Variants in DHRS7B observed in about 807,000 individuals in gnomAD.
DHRS7B encodes dehydrogenase/reductase 7B, also known as peroxisomal reductase activating PPAR-gamma.
In DHRS7B, 24 loss-of-function variants were observed where a neutral mutation model predicts 26.4. The ratio of observed to expected loss-of-function variants is 0.91; its 90% CI spans 0.66 to 1.28. The LOEUF is 1.28. Ranked by LOEUF, DHRS7B falls within the 50% of genes most tolerant of loss-of-function variation. DHRS7B has a pLI of 0.00. For synonymous variants in DHRS7B, 142 were observed against 166.4 expected (o/e 0.85, Z 1.13); for missense variants, 368 against 419.4 (o/e 0.88, Z 1.07).
chr17:21,137,923 G>A (rs1973384675), intron 1 of DHRS7B, among the ~76,000 whole-genome samples: 2 of 150,902 alleles, frequency 1.3e-5, no homozygotes, highest in Non-Finnish European at 3.0e-5. Context: ...TAGTAGAGAT[G>A]GCATTTCACC....
At chr17:21,151,275 G>A (rs1221390179) in intron 1 of DHRS7B, among the ~76,000 whole-genome samples, 1 of 152,096 alleles carries the variant, frequency 6.6e-6, no homozygotes, top group African/African-American at 2.4e-5. Context: ...GGGAGGCCTA[G>A]GCAGGTGGAT....
In DHRS7B at chr17:21,174,216, C is replaced by T. The variant is rs144215685; in HGVS notation, c.199+2020C>T. Reference sequence around the variant, plus strand: ...TGTTGTCCTCAGTGGCTCTGCCTGCCGTGTCAGCCACCCGGAAGGTTTGGA... The same window carrying T: ...TGTTGTCCTCAGTGGCTCTGCCTGCTGTGTCAGCCACCCGGAAGGTTTGGA... On this transcript the variant is annotated intron_variant, in intron 2 of 6. Coordinates refer to ENST00000395511, the MANE Select transcript of DHRS7B (RefSeq NM_015510.5). Among the ~76,000 whole-genome samples the T allele has an allele frequency of 5.9e-3, 900 of 152,342 alleles. 9 individuals carry two copies. Among genetic ancestry groups the T allele is most frequent in the African/African-American group, 0.02 (834 of 41,584 alleles).
rs1973984225 is a variant in DHRS7B, at chr17:21,160,826, T to G, written c.21-11192T>G. ...CCGAAACTTCGAAGCCACCAAGATG[T>G]CTTTGAATGTATAAACTCTGGTACA... On this transcript the variant is annotated intron_variant, in intron 1 of 6. Coordinates refer to ENST00000395511, the MANE Select transcript of DHRS7B (RefSeq NM_015510.5). Among the ~76,000 whole-genome samples, 3 of 152,270 alleles carry G rather than the reference T, an allele frequency of 2.0e-5. No individual in the cohort carries two copies. The East Asian group carries it at 5.8e-4, about 29-fold the overall frequency.
chr17:21,144,014 A>G (rs1973586301), intron 1 of DHRS7B, among the ~76,000 whole-genome samples: 1 of 152,248 alleles, frequency 6.6e-6, no homozygotes, highest in Non-Finnish European at 1.5e-5. Flanking sequence ...GGACAGGTCA[A>G]GTGCAACCAA....
intron 1 of DHRS7B, among the ~76,000 whole-genome samples, chr17:21,149,644 T>C (rs1567619541): frequency 6.7e-6 from 1 of 149,996 alleles, no homozygotes; most frequent in African/African-American, 2.5e-5. Flanking sequence ...GTAGAGGGAG[T>C]TTTTTAAACA....
rs991410820 is a variant in DHRS7B at position 21,183,661 on chromosome 17, C to A, written c.377C>A (p.Ala126Glu). 6.8e-6 allele frequency: 11 copies of A among 1,614,126 alleles called. No individual in the cohort carries two copies. Among genetic ancestry groups the A allele is most frequent in the Non-Finnish European group, 9.3e-6 (11 of 1,180,030 alleles). The change falls in exon 4 of 7, where the codon GCA (alanine) becomes GAA (glutamate). Residue 126 changes from alanine to glutamate, a missense_variant. By Grantham distance (107) the Ala-to-Glu change is moderately radical. Transcript: ENST00000395511. ...GACTCTGGGGCCATAGTTGCAGCAG[C>A]AGCTGAGATCCTGCAGTGCTTTGGC... ...LTDSGAIVAA[A>E]AEILQCFGYV...
chr17:21,184,579 A>G (rs529380535), intron 5 of DHRS7B, 116 bp downstream of exon 5: 1 of 1,030,844 alleles, frequency 9.7e-7, no homozygotes, highest in South Asian at 1.6e-5. Context: ...TCCAGAATGC[A>G]AAGGCACTTG....
chr17:21,135,297 C>T (rs890719566), intron 1 of DHRS7B, among the ~76,000 whole-genome samples: 1 of 152,148 alleles, frequency 6.6e-6, no homozygotes, highest in Non-Finnish European at 1.5e-5. Flanking sequence ...TTTGACAATG[C>T]CTCCTGTATA....
At chr17:21,147,298 G>C (rs902291734) in intron 1 of DHRS7B, among the ~76,000 whole-genome samples, 4 of 152,082 alleles carry the variant, frequency 2.6e-5, no homozygotes, top group Non-Finnish European at 5.9e-5. Flanking sequence ...GCAGAACTTG[G>C]GGCCCTGAAG....
intron 1 of DHRS7B, among the ~76,000 whole-genome samples, chr17:21,147,751 C>A (rs1403027819): frequency 2.6e-5 from 4 of 152,206 alleles, no homozygotes; most frequent in African/African-American, 2.4e-5. Flanking sequence ...AGGGAGAAAT[C>A]CCTGAGGACA....
chr17:21,180,138 G>A (rs1291188970), intron 3 of DHRS7B, among the ~76,000 whole-genome samples: 1 of 146,780 alleles, frequency 6.8e-6, no homozygotes, highest in East Asian at 2.0e-4. Context: ...GCAGTGACAC[G>A]ATCTTGGCTC....
chr17:21,184,229 C>A, intron 4 of DHRS7B, 142 bp from the exon 5 acceptor site: 2 of 704,182 alleles, frequency 2.8e-6, no homozygotes, highest in Non-Finnish European at 2.3e-6. Flanking sequence ...GCTGGAAGTT[C>A]CAACATAGTC....
chr17:21,169,136 G>T (rs73984299), intron 1 of DHRS7B, among the ~76,000 whole-genome samples: 2,104 of 152,228 alleles, frequency 0.014, 59 homozygotes, highest in African/African-American at 0.049. Context: ...CAAAACTTGG[G>T]ACATGAGAGC....
intron 1 of DHRS7B, among the ~76,000 whole-genome samples, chr17:21,147,573 T>C (rs1973669315): frequency 6.6e-6 from 1 of 152,182 alleles, no homozygotes; most frequent in African/African-American, 2.4e-5. Context: ...TGGACTTCCA[T>C]ATCCCTTCTG....
chr17:21,168,706 G>A (rs997585287), intron 1 of DHRS7B: 22 of 985,188 alleles, frequency 2.2e-5, no homozygotes, highest in Middle Eastern at 5.2e-4. Flanking sequence ...ATTCTGATTC[G>A]ATAGCACTTT....
intron 1 of DHRS7B, among the ~76,000 whole-genome samples, chr17:21,138,095 T>TAC (rs1395026542): frequency 0.018 from 1,440 of 81,598 alleles, 28 homozygotes; most frequent in African/African-American, 0.053. Context: ...TATATATATA[T>TAC]ATATATACAC....
chr17:21,150,105 TAAAAAAAAA>T (rs61516968), intron 1 of DHRS7B, among the ~76,000 whole-genome samples: 3 of 50,074 alleles, frequency 6.0e-5, no homozygotes, highest in African/African-American at 1.5e-4. Context: ...CATCTCTATT[TAAAAAAAAA>T]AAAAAAAAAA....
chr17:21,183,598 A>G lies in DHRS7B; in HGVS notation c.314A>G (p.Gln105Arg), dbSNP rs1311832781. 1 of 1,612,810 alleles carries G rather than the reference A, an allele frequency of 6.2e-7. No individual in the cohort carries two copies. Among genetic ancestry groups the G allele is most frequent in the Admixed American group, 1.7e-5 (1 of 60,026 alleles). Reference protein sequence around the residue: ...ELTASHATKVQTHKPYLVTFD... With the variant: ...ELTASHATKVRTHKPYLVTFD... ...GTATCTGTTGTATTTGACCAGGTGC[A>G]GACACACAAGCCTTACTTGGTGACC... The change falls in exon 4 of 7, where the codon CAG (glutamine) becomes CGG (arginine). Residue 105 changes from glutamine to arginine, a missense_variant. Physicochemically the swap from Gln to Arg is conservative, Grantham distance 43 (BLOSUM62 1). Transcript: ENST00000395511.
At position 21,188,695 on chromosome 17, in the gene DHRS7B, C is replaced by T; in HGVS notation, c.620-16C>T. 1 of 1,562,786 alleles carries T rather than the reference C, an allele frequency of 6.4e-7. No individual in the cohort carries two copies. Among genetic ancestry groups the T allele is most frequent in the South Asian group, 1.2e-5 (1 of 81,750 alleles). On this transcript the variant is annotated splice_polypyrimidine_tract_variant and intron_variant, in intron 5 of 6. Coordinates refer to ENST00000395511, the MANE Select transcript of DHRS7B (RefSeq NM_015510.5). ...CCAGCGCACTCAGTCACCTGCCTCTCCGTCCACATGTGTAGATGCAGCCTC... is the reference window on the plus strand; with the variant it reads ...CCAGCGCACTCAGTCACCTGCCTCTTCGTCCACATGTGTAGATGCAGCCTC...
Sources: allele counts gnomAD v4.1 joint callset (sites outside exome capture counted in the v4.1 genomes callset), GRCh38; gene constraint gnomAD v4.1.1; transcripts MANE v1.5; gene names NCBI Gene and HGNC (gene_info 2026-07-23, HGNC 2026-07-21).